MCTP1: variants seen among roughly 807,000 people sequenced by gnomAD.
MCTP1 encodes the protein multiple C2 and transmembrane domain containing 1.
In MCTP1, 69 loss-of-function variants were observed where a neutral mutation model predicts 120.6. The observed-to-expected ratio is 0.57, with a 90% CI of 0.47 to 0.70. MCTP1 has a LOEUF of 0.70. MCTP1 is among the 30% of genes least tolerant of loss of function. The pLI, the probability that MCTP1 is intolerant of heterozygous loss-of-function variation, is 0.00. For synonymous variants in MCTP1, 529 were observed against 493.1 expected (o/e 1.07, Z -0.96); for missense variants, 1,203 against 1,248.8 (o/e 0.96, Z 0.55).
intron 17 of MCTP1, among the ~76,000 whole-genome samples, chr5:94,806,892 T>G (rs1414868820): frequency 2.0e-5 from 3 of 152,236 alleles, no homozygotes. Context: ...GAAAAAATTT[T>G]CTGCCTACAT....
intron 1 of MCTP1, among the ~76,000 whole-genome samples, chr5:95,258,261 A>T (rs1210632253): frequency 1.3e-5 from 2 of 152,190 alleles, no homozygotes; most frequent in African/African-American, 4.8e-5. Context: ...TGTTGATAGT[A>T]CGTACCCTCA....
intron 1 of MCTP1, among the ~76,000 whole-genome samples, chr5:95,182,377 CAAG>C (rs916048613): frequency 6.6e-6 from 1 of 152,150 alleles, no homozygotes; most frequent in Admixed American, 6.5e-5. Context: ...GTAGGTTATA[CAAG>C]AAGAAGGCAA....
At chr5:94,926,689 T>C (rs765675765) in intron 6 of MCTP1, among the ~76,000 whole-genome samples, 8 of 152,204 alleles carry the variant, frequency 5.3e-5, no homozygotes, top group Non-Finnish European at 8.8e-5. Flanking sequence ...CCCTTCCATC[T>C]ATCTTTCTTG....
At chr5:94,949,460 C>G (rs1335885573) in intron 3 of MCTP1, among the ~76,000 whole-genome samples, 1 of 151,982 alleles carries the variant, frequency 6.6e-6, no homozygotes, top group African/African-American at 2.4e-5. Context: ...ACAGAAAATG[C>G]TCTTTTCATT....
intron 1 of MCTP1, among the ~76,000 whole-genome samples, chr5:95,193,291 A>G (rs1457561558): frequency 2.6e-5 from 4 of 152,148 alleles, no homozygotes; most frequent in Admixed American, 6.5e-5. Context: ...ATTTTCACCC[A>G]AAGATAACAC....
At chr5:94,829,634 A>T in intron 17 of MCTP1, among the ~76,000 whole-genome samples, 1 of 152,276 alleles carries the variant, frequency 6.6e-6, no homozygotes, top group Admixed American at 6.5e-5. Flanking sequence ...AGAAGGAGAC[A>T]TGGGGGAAAG....
rs1033399206 is a variant in MCTP1 at position 94,707,652 on chromosome 5, C to T, written c.2929-85G>A. ...AACAGCAAAGGAATGAGAGACGGTG[C>T]TTGGGGGAAGAAAGTGCTCACTCTA... On this transcript the variant is annotated intron_variant, in intron 22 of 22. Coordinates refer to ENST00000515393, the MANE Select transcript of MCTP1 (RefSeq NM_024717.7). 4.2e-6 allele frequency: 4 copies of T among 957,586 alleles called. No homozygotes were observed. In the African/African-American group the frequency reaches 4.9e-5, roughly 12 times the overall value. The allele number at this position is 957,586 out of a possible 1,614,324, so 59.3% of individuals were successfully genotyped here. A position where few individuals can be genotyped will look rare whatever the true frequency, so the allele number is the denominator to read the frequency against.
intron 19 of MCTP1, among the ~76,000 whole-genome samples, chr5:94,721,788 A>G (rs1760947981): frequency 6.7e-6 from 1 of 149,672 alleles, no homozygotes; most frequent in South Asian, 2.1e-4. Context: ...AGCAGCTTGG[A>G]TGAAAGAAAT....
intron 1 of MCTP1, among the ~76,000 whole-genome samples, chr5:95,064,177 C>T (rs1219273433): frequency 2.6e-5 from 4 of 152,122 alleles, no homozygotes; most frequent in East Asian, 1.9e-4. Context: ...CCATTAGAAA[C>T]GAATTGATAA....
intron 1 of MCTP1, among the ~76,000 whole-genome samples, chr5:95,077,477 C>CT (rs375415681): frequency 2.3e-3 from 340 of 145,640 alleles, no homozygotes; most frequent in East Asian, 0.019. Context: ...ATTATATATA[C>CT]TTTTTTTTTT....
chr5:94,921,514 T>C (rs1811658649), intron 7 of MCTP1, among the ~76,000 whole-genome samples: 1 of 152,238 alleles, frequency 6.6e-6, no homozygotes, highest in Non-Finnish European at 1.5e-5. Flanking sequence ...AGCACATGTA[T>C]ACTCTTCATG....
In MCTP1 at chr5:95,117,786, G is replaced by T. The variant is rs1582286602; in HGVS notation, c.721-100302C>A. ...GCCAAATGCCCATCAGTGATAGACT[G>T]GATAAAGAAAATATGGTACCTATAC... On this transcript the variant is annotated intron_variant, in intron 1 of 22. Transcript: ENST00000515393. Among the ~76,000 whole-genome samples the T allele has an allele frequency of 2.0e-5, 3 of 152,150 alleles. 1 individual carries two copies. The highest frequency in any genetic ancestry group is 2.0e-4 in the Admixed American group (3 of 15,276).
chr5:95,147,502 CTGATA>C (rs1298706799), intron 1 of MCTP1, among the ~76,000 whole-genome samples: 3 of 152,186 alleles, frequency 2.0e-5, no homozygotes, highest in African/African-American at 7.2e-5. Flanking sequence ...TCTGTCTTAT[CTGATA>C]TAAGAATAGT....
At chr5:95,267,628 G>GT (rs1759013874) in intron 1 of MCTP1, among the ~76,000 whole-genome samples, 2 of 152,204 alleles carry the variant, frequency 1.3e-5, no homozygotes, top group African/African-American at 2.4e-5. Flanking sequence ...AGACAACTTT[G>GT]TGAGTACAAT....
chr5:94,940,247 A>G, intron 4 of MCTP1, 52 bp from the exon 5 acceptor site: 1 of 976,026 alleles, frequency 1.0e-6, no homozygotes, highest in Non-Finnish European at 1.5e-6. Flanking sequence ...AATAAGCCAA[A>G]TATATTTTTA....
At chr5:95,123,076 A>G (rs977045075) in intron 1 of MCTP1, among the ~76,000 whole-genome samples, 2 of 152,230 alleles carry the variant, frequency 1.3e-5, no homozygotes, top group African/African-American at 4.8e-5. Context: ...CAGGGTGACT[A>G]CAGTAAAAAA....
Position 94,859,495 on chromosome 5 carries a change from T to G in MCTP1, c.2436+8838A>C, listed in dbSNP as rs527846436. Among the ~76,000 whole-genome samples the G allele has an allele frequency of 3.3e-5, 5 of 151,906 alleles. No individual in the cohort carries two copies. The South Asian group carries it at 8.3e-4, about 25-fold the overall frequency. ...TGATAAATGTTCGAGGTGCTGCTTATGCTAATTACTCTGATTTTATCATTA... is the reference window on the plus strand; with the variant it reads ...TGATAAATGTTCGAGGTGCTGCTTAGGCTAATTACTCTGATTTTATCATTA... On this transcript the variant is annotated intron_variant, in intron 17 of 22. Transcript: ENST00000515393.
intron 1 of MCTP1, among the ~76,000 whole-genome samples, chr5:95,240,307 C>T (rs1234330248): frequency 6.6e-6 from 1 of 152,088 alleles, no homozygotes; most frequent in Non-Finnish European, 1.5e-5. Flanking sequence ...CAGATACTGA[C>T]CTTAAGTTTG....
At chr5:95,051,791 AAACAAACAC>A (rs1433524907) in intron 1 of MCTP1, among the ~76,000 whole-genome samples, 1 of 152,192 alleles carries the variant, frequency 6.6e-6, no homozygotes, top group Admixed American at 6.5e-5. Context: ...AGGAACAAAA[AAACAAACAC>A]AACATGTTCT....
Sources: gnomAD v4.1 joint callset for allele counts (sites outside exome capture counted in the v4.1 genomes callset) on GRCh38, gnomAD v4.1.1 for gene constraint, MANE v1.5 for transcripts, NCBI Gene and HGNC (gene_info 2026-07-23, HGNC 2026-07-21) for gene names.